The following VPS9D1 variants were observed in gnomAD, a reference collection of about 807,000 sequenced individuals.
VPS9D1 encodes VPS9 domain-containing protein 1.
In VPS9D1, 78 loss-of-function variants were observed where a neutral mutation model predicts 75.8. The observed-to-expected ratio is 1.03, with a 90% confidence interval of 0.86 to 1.24. The LOEUF is 1.24. VPS9D1 is among the 50% of genes most tolerant of loss of function. The pLI is 0.00. For missense variants in VPS9D1, 1,057 were observed against 847.7 expected (o/e 1.25, Z -3.07); for synonymous variants, 481 against 385.6 (o/e 1.25, Z -2.90).
rs761322702 is a variant in VPS9D1, at chr16:89,710,613, C to T, written c.1231G>A (p.Ala411Thr). The T allele has an allele frequency of 1.7e-5, 27 of 1,607,034 alleles. No homozygotes were observed. In the East Asian group the frequency reaches 5.4e-4, roughly 32 times the overall value. The change falls in exon 10 of 15, where the codon GCG (alanine) becomes ACG (threonine). Residue 411 changes from alanine to threonine, a missense_variant. Physicochemically the swap from Ala to Thr is moderately conservative, Grantham distance 58. Transcript: ENST00000389386. Reference protein sequence around the residue: ...PEPQLQQLKTAVEEIHNAVDR... With the variant: ...PEPQLQQLKTTVEEIHNAVDR... ...ACGGCATTGTGGATCTCCTCCACCG[C>T]GGTCTTCAGCTGCTGCAGCTGGGGC... is the stretch of plus-strand genomic sequence containing the variant.
chr16:89,710,928 C>T lies in VPS9D1; in HGVS notation c.916G>A (p.Ala306Thr). Reference sequence around the variant, plus strand: ...CAGCAGCCTGGGGCTGGCGCGGCTGCTCTGCTCACGGCGGGATACAGGGCG... The same window carrying T: ...CAGCAGCCTGGGGCTGGCGCGGCTGTTCTGCTCACGGCGGGATACAGGGCG... ...YSALYPAVSR[A>T]AAPAPGCCPP... Residue 306 changes from alanine to threonine, a missense_variant, in exon 10 of 15, where the codon GCA (alanine) becomes ACA (threonine). Transcript: ENST00000389386. The T allele has an allele frequency of 1.3e-6, 2 of 1,486,014 alleles. No homozygotes were observed. Among genetic ancestry groups the T allele is most frequent in the Non-Finnish European group, 1.8e-6 (2 of 1,123,464 alleles). The allele number at this position is 1,486,014 out of a possible 1,614,324, so 92.1% of individuals were successfully genotyped here.
chr16:89,716,326 G>A (rs1345974832), intron 4 of VPS9D1, 136 bp downstream of exon 4: 18 of 1,306,888 alleles, frequency 1.4e-5, no homozygotes, highest in African/African-American at 7.5e-5. Context: ...AGATTGAGCC[G>A]CTGCACTCCA....
chr16:89,711,733 C>G (rs1316502485), intron 8 of VPS9D1, 149 bp downstream of exon 8: 2 of 1,003,630 alleles, frequency 2.0e-6, no homozygotes, highest in African/African-American at 3.3e-5. Context: ...CGCCCCCTCA[C>G]CGGGCCCTCC....
Position 89,709,899 on chromosome 16 carries a change from C to T in VPS9D1, c.1266G>A (p.Leu422=). The change falls in exon 11 of 15, where the codon CTG becomes CTA. Residue 422 remains leucine (L), a synonymous_variant. Transcript: ENST00000389386. The part of the protein sequence containing the change: ...VEEIHNAVDR[L]LSLTLLAFEG... ...CGAAGGCCAGAAGGGTCAGCGAGAG[C>T]AGCCTGTCTGCTAGGAACAGAGCCG... is the stretch of plus-strand genomic sequence containing the variant. 6.2e-7 allele frequency: 1 copy of T among 1,608,640 alleles called. No individual in the cohort carries two copies. The highest frequency in any genetic ancestry group is 1.1e-5 in the South Asian group (1 of 90,360).
rs1179577786 is a variant in VPS9D1, at chr16:89,719,087, A to G, written c.115T>C (p.Tyr39His). The change falls in exon 2 of 15, where the codon TAC (tyrosine) becomes CAC (histidine). Residue 39 changes from tyrosine to histidine, a missense_variant. Transcript: ENST00000389386. ...GAGATATAGTGGATGCTCCTCAGGT[A>G]TTCCGTGTATGCCTCCTGTGTCCAG... ...GNRPREAYTE[Y>H]LRSIHYISQV... The G allele has an allele frequency of 6.2e-7, 1 of 1,613,586 alleles. No individual in the cohort carries two copies. The highest frequency in any genetic ancestry group is 1.1e-5 in the South Asian group (1 of 91,086).
At chr16:89,711,238 C>T (rs993166499) in intron 9 of VPS9D1, 89 bp downstream of exon 9, 3 of 1,409,354 alleles carry the variant, frequency 2.1e-6, no homozygotes, top group Non-Finnish European at 2.0e-6. Context: ...CTCCCTGTGT[C>T]AGTCCAGCCC....
Position 89,707,810 on chromosome 16 carries a change from A to T in VPS9D1, c.*51T>A, listed in dbSNP as rs763884308. On this transcript the variant is annotated 3_prime_UTR_variant, in exon 15 of 15. Transcript: ENST00000389386. ...CCATGGCTCCAGGTGTAGGAGAGAC[A>T]GCCCTGGGAGGCGAGGCCAGGCCCT... 19 of 1,550,350 alleles carry T rather than the reference A, an allele frequency of 1.2e-5. No homozygotes were observed. Among genetic ancestry groups the T allele is most frequent in the Non-Finnish European group, 1.5e-5 (17 of 1,124,822 alleles).
intron 10 of VPS9D1, 112 bp from the exon 11 acceptor site, chr16:89,710,018 A>G: frequency 6.9e-7 from 1 of 1,451,262 alleles, no homozygotes; most frequent in South Asian, 1.4e-5. Flanking sequence ...ACCGCCTTCA[A>G]GCCTCCTGCA....
At chr16:89,708,325 A>T (rs2060835541) in intron 14 of VPS9D1, 102 bp downstream of exon 14, 1 of 1,181,224 alleles carries the variant, frequency 8.5e-7, no homozygotes. Context: ...ACGGAGCCAC[A>T]CGCTACCCTC....
chr16:89,710,911 T>G lies in VPS9D1; in HGVS notation c.933A>C (p.Pro311=). 6.7e-7 allele frequency: 1 copy of G among 1,490,214 alleles called. No homozygotes were observed. The highest frequency in any genetic ancestry group is 8.9e-7 in the Non-Finnish European group (1 of 1,124,970). 92.3% of individuals were successfully genotyped at this position (1,490,214 alleles called of 1,614,324 possible). The change falls in exon 10 of 15, where the codon CCA becomes CCC. Residue 311 remains proline (P), a synonymous_variant. Transcript: ENST00000389386. ...PAVSRAAAPA[P]GCCPPTPNPG... ...GGTTGGGGGTCGGGGGGCAGCAGCCTGGGGCTGGCGCGGCTGCTCTGCTCA... is the reference window on the plus strand; with the variant it reads ...GGTTGGGGGTCGGGGGGCAGCAGCCGGGGGCTGGCGCGGCTGCTCTGCTCA...
intron 7 of VPS9D1, 27 bp downstream of exon 7, chr16:89,712,020 G>A: frequency 6.5e-7 from 1 of 1,549,086 alleles, no homozygotes; most frequent in Non-Finnish European, 8.7e-7. Flanking sequence ...TCCCCGCAGC[G>A]GCCCCAGGGG....
At chr16:89,719,410 TATTCTC>T (rs1224284002) in intron 1 of VPS9D1, 3 of 515,322 alleles carry the variant, frequency 5.8e-6, no homozygotes, top group African/African-American at 5.7e-5. Flanking sequence ...CAGGAACTGA[TATTCTC>T]ATTCAGTGGG....
chr16:89,710,497 C>G (rs2060889920), intron 10 of VPS9D1, 89 bp downstream of exon 10: 1 of 1,409,896 alleles, frequency 7.1e-7, no homozygotes, highest in South Asian at 1.4e-5. Flanking sequence ...CTCTGATCAA[C>G]AGACCCTTCC....
Position 89,711,342 on chromosome 16 carries a change from A to G in VPS9D1, c.818T>C (p.Val273Ala), listed in dbSNP as rs2151625039. Residue 273 changes from valine (V) to alanine (A), a missense_variant, in exon 9 of 15, where the codon GTC becomes GCC. Physicochemically the swap from Val to Ala is moderately conservative, Grantham distance 64 (BLOSUM62 0). Transcript: ENST00000389386. ...PGDLSLVTSL[V>A]SHLLSLPDHP... ...GCCCAGCTACCTGAGCAGGTGTGAG[A>G]CCAGGCTGGTCACGAGTGACAGGTC... is the stretch of plus-strand genomic sequence containing the variant. 1 of 1,610,278 alleles carries G rather than the reference A, an allele frequency of 6.2e-7. No individual in the cohort carries two copies. Among genetic ancestry groups the G allele is most frequent in the East Asian group, 2.2e-5 (1 of 44,774 alleles).
chr16:89,717,534 GGACCCACCGCCCCAGCGCCT>G lies in VPS9D1; in HGVS notation c.176-732_176-713del. ...AGCTGCCTCTCTGTGACTCGCCCCT[GGACCCACCGCCCCAGCGCCT>G]GACCCACCTCCCTGCTGCCCTTCAC... On this transcript the variant is annotated intron_variant, in intron 2 of 14. Transcript: ENST00000389386. 3 of 456,170 alleles carry G rather than the reference GGACCCACCGCCCCAGCGCCT, an allele frequency of 6.6e-6. 1 individual carries two copies. Among genetic ancestry groups the G allele is most frequent in the South Asian group, 4.6e-5 (3 of 64,542 alleles). 28.3% of individuals were successfully genotyped at this position (456,170 alleles called of 1,614,324 possible). A position where few individuals can be genotyped will look rare whatever the true frequency, so the allele number is the denominator to read the frequency against.
rs1350962447 is a variant in VPS9D1, at chr16:89,710,775, G to A, written c.1069C>T (p.Pro357Ser). ...GGTGAGGGAGACCCCACGGGGCCGG[G>A]TTGGAGTGGGGGCGTGGGGGGACTG... ...QDSPPTPPLQ[P>S]GPVGSPSPLG... The change falls in exon 10 of 15, where the codon CCC (proline) becomes TCC (serine). Residue 357 changes from proline (P) to serine (S), a missense_variant. Pro to Ser is a moderately conservative substitution (Grantham distance 74, BLOSUM62 -1). Coordinates refer to ENST00000389386, the MANE Select transcript of VPS9D1 (RefSeq NM_004913.3). The A allele has an allele frequency of 1.3e-6, 2 of 1,556,264 alleles. No individual in the cohort carries two copies. Among genetic ancestry groups the A allele is most frequent in the East Asian group, 4.8e-5 (2 of 41,436 alleles).
chr16:89,710,554 C>T (rs753392343), intron 10 of VPS9D1, 32 bp downstream of exon 10: 6 of 1,557,720 alleles, frequency 3.9e-6, no homozygotes, highest in Admixed American at 3.6e-5. Flanking sequence ...TGAAGAGCTG[C>T]GGCGGCTCTC....
chr16:89,720,012 C>A (rs2061206336), intron 1 of VPS9D1, among the ~76,000 whole-genome samples: 1 of 152,304 alleles, frequency 6.6e-6, no homozygotes, highest in Non-Finnish European at 1.5e-5. Flanking sequence ...ACCACAGCGC[C>A]CAGCAATATG....
At chr16:89,712,922 G>A (rs2060971787) in intron 4 of VPS9D1, 3 of 477,876 alleles carry the variant, frequency 6.3e-6, no homozygotes, top group African/African-American at 4.0e-5. Flanking sequence ...AGTGGCTCCC[G>A]CCTCTAATGC....
Sources: allele counts gnomAD v4.1 joint callset (sites outside exome capture counted in the v4.1 genomes callset), GRCh38; gene constraint gnomAD v4.1.1; transcripts MANE v1.5; gene names NCBI Gene and HGNC (gene_info 2026-07-23, HGNC 2026-07-21).